Variants in PPARG observed in about 807,000 individuals in gnomAD.
PPARG encodes the protein peroxisome proliferator activated receptor gamma, also known as peroxisome proliferator-activated receptor gamma.
In PPARG, 17 loss-of-function variants were observed where a neutral mutation model predicts 39.2. The ratio of observed to expected loss-of-function variants is 0.43; its 90% CI spans 0.30 to 0.65. The LOEUF (loss-of-function observed/expected upper bound fraction) is 0.65, where lower values mean the gene tolerates loss of function less well. Among genes scored for constraint, PPARG ranks in the 30% least tolerant of loss-of-function variants. The pLI, the probability that PPARG is intolerant of heterozygous loss-of-function variation, is 0.13. For synonymous variants in PPARG, 223 were observed against 215.7 expected, an observed-to-expected ratio of 1.03 and a Z score of -0.30; for missense variants, 406 against 585.9, an observed-to-expected ratio of 0.69 and a Z score of 3.17.
chr3:12,362,060 G>A (rs1037237200), intron 2 of PPARG, among the ~76,000 whole-genome samples: 3 of 151,618 alleles, frequency 2.0e-5, no homozygotes, highest in Non-Finnish European at 4.4e-5. Flanking sequence ...TTTTCCCCTG[G>A]GTATTTGATT....
At chr3:12,335,777 G>C (rs925851144) in intron 2 of PPARG, among the ~76,000 whole-genome samples, 1 of 151,932 alleles carries the variant, frequency 6.6e-6, no homozygotes, top group Non-Finnish European at 1.5e-5. Context: ...TCCAATAAAA[G>C]TATTAATATG....
At chr3:12,384,005 G>A (rs1021852317) in intron 4 of PPARG, among the ~76,000 whole-genome samples, 8 of 151,990 alleles carry the variant, frequency 5.3e-5, no homozygotes, top group Non-Finnish European at 1.0e-4. Context: ...AAAACTAAGC[G>A]TATTGTATAC....
chr3:12,346,586 T>G (rs1331430893), intron 2 of PPARG, among the ~76,000 whole-genome samples: 1 of 152,122 alleles, frequency 6.6e-6, no homozygotes, highest in African/African-American at 2.4e-5. Context: ...TGCTTCTGAG[T>G]TAAGAAGACC....
chr3:12,297,714 C>T (rs1396666948), intron 1 of PPARG, among the ~76,000 whole-genome samples: 3 of 152,170 alleles, frequency 2.0e-5, no homozygotes, highest in East Asian at 3.9e-4. Context: ...TGTTTGGGTC[C>T]GTGATCTACT....
At chr3:12,373,240 G>A (rs2049284728) in intron 2 of PPARG, among the ~76,000 whole-genome samples, 1 of 152,068 alleles carries the variant, frequency 6.6e-6, no homozygotes, top group South Asian at 2.1e-4. Context: ...AGTAACTATG[G>A]TCCATGGAAT....
chr3:12,369,531 T>A (rs868173416), intron 2 of PPARG, among the ~76,000 whole-genome samples: 13 of 152,204 alleles, frequency 8.5e-5, no homozygotes, highest in African/African-American at 3.1e-4. Context: ...CTATTATTTT[T>A]AAAATTGTAT....
At chr3:12,418,706 G>A (rs527766770) in intron 7 of PPARG, among the ~76,000 whole-genome samples, 2 of 152,246 alleles carry the variant, frequency 1.3e-5, no homozygotes, top group African/African-American at 2.4e-5. Context: ...TCTCATTTGC[G>A]CAAGGTTACG....
chr3:12,341,170 G>A lies in PPARG; in HGVS notation c.-9+28717G>A, dbSNP rs540787098. 1.7e-4 allele frequency among the ~76,000 whole-genome samples: 23 copies of A among 132,588 alleles called. No homozygotes were observed. In the East Asian group the frequency reaches 3.9e-3, roughly 23 times the overall value. The allele number at this position is 132,588 out of a possible 152,430, so 87.0% of individuals were successfully genotyped here. A position where few individuals can be genotyped will look rare whatever the true frequency, so the allele number is the denominator to read the frequency against. On this transcript the variant is annotated intron_variant, in intron 2 of 7. Coordinates refer to ENST00000651735, the MANE Select transcript of PPARG (RefSeq NM_138711.6). Reference sequence around the variant, plus strand: ...TGCACTCCAGCCTGGGCAACAGAGCGAGACTCCGTCTCAAAAAAAAAAAAA... The same window carrying A: ...TGCACTCCAGCCTGGGCAACAGAGCAAGACTCCGTCTCAAAAAAAAAAAAA...
intron 4 of PPARG, among the ~76,000 whole-genome samples, chr3:12,382,391 A>G (rs1189430255): frequency 6.6e-6 from 1 of 152,210 alleles, no homozygotes; most frequent in African/African-American, 2.4e-5. Flanking sequence ...TTTAATATAC[A>G]CAATGCAAAA....
intron 1 of PPARG, among the ~76,000 whole-genome samples, chr3:12,306,466 A>G (rs1054525457): frequency 6.6e-6 from 1 of 152,208 alleles, no homozygotes; most frequent in African/African-American, 2.4e-5. Flanking sequence ...CTGCCAGGTG[A>G]TAAAAACTAG....
At chr3:12,374,308 A>G (rs1466242431) in intron 2 of PPARG, among the ~76,000 whole-genome samples, 3 of 152,182 alleles carry the variant, frequency 2.0e-5, no homozygotes, top group Admixed American at 2.0e-4. Context: ...GTCAAAACCC[A>G]TAGAACTTGG....
intron 1 of PPARG, among the ~76,000 whole-genome samples, chr3:12,291,241 C>G (rs1020909355): frequency 1.3e-5 from 2 of 152,198 alleles, no homozygotes; most frequent in Non-Finnish European, 1.5e-5. Context: ...TAGATCTCCA[C>G]TTTGCTTACT....
intron 7 of PPARG, among the ~76,000 whole-genome samples, chr3:12,432,499 A>T (rs2051694501): frequency 6.6e-6 from 1 of 152,246 alleles, no homozygotes; most frequent in Non-Finnish European, 1.5e-5. Context: ...CCAGGAGTAA[A>T]ACATGTTCTC....
chr3:12,404,322 A>T (rs1240381386), intron 5 of PPARG, among the ~76,000 whole-genome samples: 10 of 152,230 alleles, frequency 6.6e-5, no homozygotes, highest in Non-Finnish European at 1.5e-5. Context: ...CAATAGTTGT[A>T]TTAGTCAGCG....
At chr3:12,425,866 G>A (rs2051426959) in intron 7 of PPARG, among the ~76,000 whole-genome samples, 1 of 152,178 alleles carries the variant, frequency 6.6e-6, no homozygotes, top group Non-Finnish European at 1.5e-5. Flanking sequence ...GCTTTCCGGG[G>A]TCGGACAGAA....
intron 2 of PPARG, among the ~76,000 whole-genome samples, chr3:12,364,294 T>C (rs1036600214): frequency 6.6e-6 from 1 of 152,208 alleles, no homozygotes; most frequent in African/African-American, 2.4e-5. Context: ...TATCATATAG[T>C]TGGAACCATA....
rs758594107 is a variant in PPARG at position 12,416,875 on chromosome 3, A to C, written c.901A>C (p.Ile301Leu). 18 of 1,614,138 alleles carry C rather than the reference A, an allele frequency of 1.1e-5. No individual in the cohort carries two copies. The highest frequency in any genetic ancestry group is 1.4e-5 in the Non-Finnish European group (17 of 1,180,014). The change falls in exon 7 of 8, where the codon ATT becomes CTT. Residue 301 changes from isoleucine to leucine, a missense_variant. Physicochemically the swap from Ile to Leu is conservative, Grantham distance 5. Coordinates refer to ENST00000651735, the MANE Select transcript of PPARG (RefSeq NM_138711.6). ...GGAGATCACAGAGTATGCCAAAAGCATTCCTGGTTTTGTAAATCTTGACTT... is the reference window on the plus strand; with the variant it reads ...GGAGATCACAGAGTATGCCAAAAGCCTTCCTGGTTTTGTAAATCTTGACTT... ...VQEITEYAKS[I>L]PGFVNLDLND...
chr3:12,325,007 G>C (rs1019791227), intron 2 of PPARG, among the ~76,000 whole-genome samples: 1 of 149,214 alleles, frequency 6.7e-6, no homozygotes, highest in African/African-American at 2.4e-5. Flanking sequence ...GGCTTTGTGA[G>C]CGAGCGTGGT....
intron 5 of PPARG, chr3:12,399,235 G>C: frequency 2.5e-6 from 1 of 398,466 alleles, no homozygotes; most frequent in Middle Eastern, 4.2e-4. Context: ...CTTCATTTTT[G>C]AAAGAAACCT....
Sources: allele counts gnomAD v4.1 joint callset (sites outside exome capture counted in the v4.1 genomes callset), GRCh38; gene constraint gnomAD v4.1.1; transcripts MANE v1.5; gene names NCBI Gene and HGNC (gene_info 2026-07-23, HGNC 2026-07-21).